The following BRD1 variants were observed in gnomAD, a reference collection of about 807,000 sequenced individuals.
The protein encoded by BRD1 is bromodomain containing 1.
Under a neutral mutation model 107.7 loss-of-function variants are expected in BRD1, and 24 were observed. The observed-to-expected ratio is 0.22, with a 90% confidence interval of 0.16 to 0.31. The LOEUF is 0.31. Ranked by LOEUF, BRD1 falls within the 10% of genes least tolerant of loss-of-function variation. The pLI, the probability that BRD1 is intolerant of heterozygous loss-of-function variation, is 1.00. For synonymous variants in BRD1, 744 were observed against 686.1 expected (o/e 1.08, Z -1.32); for missense variants, 1,279 against 1,638.6 (o/e 0.78, Z 3.79).
At position 49,798,628 on chromosome 22, in the gene BRD1, C is replaced by T. The variant is rs776202177; in HGVS notation, c.1715G>A (p.Arg572His). The T allele has an allele frequency of 6.8e-6, 11 of 1,613,878 alleles. No individual in the cohort carries two copies. Among genetic ancestry groups the T allele is most frequent in the South Asian group, 2.2e-5 (2 of 91,082 alleles). Residue 572 changes from arginine (R) to histidine (H), a missense_variant, in exon 5 of 13, where the codon CGC becomes CAC. This residue lies in a region of BRD1 where 406 missense variants were observed against 519.4 expected (regional missense o/e 0.78). Transcript: ENST00000404760. Reference protein sequence around the residue: ...LRLTPLTVLLRSVLDQLQDKD... With the variant: ...LRLTPLTVLLHSVLDQLQDKD... ...GTCTTGCAGCTGGTCCAGCACTGAGCGCAGCAGCACCGTCAGCGGGGTCAG... is the reference window on the plus strand; with the variant it reads ...GTCTTGCAGCTGGTCCAGCACTGAGTGCAGCAGCACCGTCAGCGGGGTCAG...
In BRD1 at chr22:49,779,572, C is replaced by T. The variant is rs536156221; in HGVS notation, c.2858-1759G>A. On this transcript the variant is annotated intron_variant, in intron 8 of 12. Transcript: ENST00000404760. ...ACTGTGGCCAGTTGGGGGTGTCATA[C>T]TCATTTCTGGCAAGGGAACAAATAA... 1.1e-4 allele frequency among the ~76,000 whole-genome samples: 17 copies of T among 152,254 alleles called. No individual in the cohort carries two copies. The South Asian group carries it at 2.7e-3, about 24-fold the overall frequency.
At chr22:49,826,283 G>A (rs2060148186) in intron 1 of BRD1, 1 of 984,584 alleles carries the variant, frequency 1.0e-6, no homozygotes, top group Non-Finnish European at 1.2e-6. Context: ...TTCTACAAGG[G>A]GAGAACTGAA....
intron 2 of BRD1, chr22:49,818,127 C>T (rs1408531258): frequency 1.3e-6 from 1 of 746,620 alleles, no homozygotes; most frequent in East Asian, 1.0e-4. Context: ...TAAAATGACA[C>T]CAGTGAAGGC....
intron 2 of BRD1, among the ~76,000 whole-genome samples, chr22:49,812,203 A>C (rs767510832): frequency 6.6e-6 from 1 of 150,722 alleles, no homozygotes; most frequent in Non-Finnish European, 1.5e-5. Flanking sequence ...TCCTGGGTTC[A>C]AGTGGGAGAC....
chr22:49,776,203 C>CA, intron 10 of BRD1, 44 bp from the exon 11 acceptor site: 2 of 1,529,970 alleles, frequency 1.3e-6, no homozygotes, highest in Non-Finnish European at 8.9e-7. Flanking sequence ...CAGCAGGACA[C>CA]GGGGCACGCC....
rs532052557 is a variant in BRD1 at position 49,787,667 on chromosome 22, G to A, written c.2580C>T (p.Gly860=). The A allele has an allele frequency of 5.0e-5, 78 of 1,550,622 alleles. 1 individual carries two copies. The highest frequency in any genetic ancestry group is 3.7e-4 in the Admixed American group (19 of 51,014). Residue 860 remains glycine (G), a synonymous_variant, in exon 8 of 13, where the codon GGC becomes GGT. Coordinates refer to ENST00000404760, the MANE Select transcript of BRD1 (RefSeq NM_001304808.3). ...CGGAGGCCGCCGCCGCCGGCACATC[G>A]CCACTACTGGCGCGGGTGGGCTCTG... The part of the protein sequence containing the change: ...RPPEPTRASS[G]DVPAAAASAV...
At chr22:49,826,099 G>T in intron 1 of BRD1, 1 of 911,408 alleles carries the variant, frequency 1.1e-6, no homozygotes, top group Non-Finnish European at 1.3e-6. Flanking sequence ...CACCCGGGAC[G>T]CCGACACGCG....
chr22:49,816,379 A>G (rs140695626), intron 2 of BRD1, among the ~76,000 whole-genome samples: 22 of 152,138 alleles, frequency 1.4e-4, no homozygotes, highest in African/African-American at 4.8e-4. Context: ...GCAGGTACCC[A>G]CTAGGTGACA....
At chr22:49,781,948 G>A (rs111776403) in intron 8 of BRD1, among the ~76,000 whole-genome samples, 2,886 of 151,178 alleles carry the variant, frequency 0.019, 79 homozygotes, top group African/African-American at 0.066. Flanking sequence ...GACCTGCTCC[G>A]TGACAATGCA....
chr22:49,776,178 G>C lies in BRD1; in HGVS notation c.3122-19C>G. On this transcript the variant is annotated intron_variant, in intron 10 of 12. Transcript: ENST00000404760. ...CCGACTTCTGCGGAGAGGGGCGTCA[G>C]CAGGACACAGGCGTCAGCAGGACAC... is the stretch of plus-strand genomic sequence containing the variant. The C allele has an allele frequency of 6.3e-7, 1 of 1,595,662 alleles. No individual in the cohort carries two copies. The highest frequency in any genetic ancestry group is 1.3e-5 in the African/African-American group (1 of 74,824).
rs9628129 is a variant in BRD1, at chr22:49,776,122, G to A, written c.3159C>T (p.Ala1053=). The change falls in exon 11 of 13, where the codon GCC becomes GCT. Residue 1053 remains alanine, a synonymous_variant. Coordinates refer to ENST00000404760, the MANE Select transcript of BRD1 (RefSeq NM_001304808.3). ...GQSSMWISTD[A]AASVLEPLKV... ...TCAGAGGCTCCAGCACCGAGGCGGC[G>A]GCATCAGTGGAGATCCACATGCTGC... is the stretch of plus-strand genomic sequence containing the variant. 4.4e-3 allele frequency: 7,077 copies of A among 1,605,652 alleles called. 278 individuals are homozygous for A. The African/African-American group carries it at 0.085, about 19-fold the overall frequency.
chr22:49,809,108 G>A (rs1014012313), intron 2 of BRD1, among the ~76,000 whole-genome samples: 2 of 151,920 alleles, frequency 1.3e-5, no homozygotes, highest in Non-Finnish European at 2.9e-5. Context: ...AACATAGCAA[G>A]ACTCAGTCTC....
intron 8 of BRD1, 74 bp downstream of exon 8, chr22:49,787,316 A>T: frequency 4.6e-6 from 2 of 436,866 alleles, no homozygotes; most frequent in Non-Finnish European, 7.1e-6. Context: ...CCCCCCCGTC[A>T]CACCAATGAT....
intron 2 of BRD1, among the ~76,000 whole-genome samples, chr22:49,822,416 C>A (rs1437879504): frequency 6.8e-6 from 1 of 147,136 alleles, no homozygotes; most frequent in African/African-American, 2.5e-5. Context: ...AGAGCAAAAC[C>A]CTATTTAAAA....
At chr22:49,790,851 C>T (rs146594266) in intron 7 of BRD1, among the ~76,000 whole-genome samples, 2 of 152,370 alleles carry the variant, frequency 1.3e-5, no homozygotes, top group African/African-American at 2.4e-5. Context: ...ACGTGCTCAG[C>T]GCCCGTGCAC....
chr22:49,815,925 G>A (rs1414347666), intron 2 of BRD1, among the ~76,000 whole-genome samples: 1 of 152,178 alleles, frequency 6.6e-6, no homozygotes, highest in Non-Finnish European at 1.5e-5. Flanking sequence ...GCTGCCACCT[G>A]TGGCCTCATG....
chr22:49,774,304 A>G lies in BRD1; in HGVS notation c.3499T>C (p.Phe1167Leu). The change falls in exon 13 of 13, where the codon TTT becomes CTT. Residue 1167 changes from phenylalanine (F) to leucine (L), a missense_variant. Around this residue, in one of 7 missense-constraint regions of BRD1, gnomAD observed 136 missense variants for 196.8 expected, o/e 0.69. Transcript: ENST00000404760. ...CTCAGGTGGTTCATGGCGCGGTCAAAAGCGATCCGCACGGCCTTCCGGATG... is the reference window on the plus strand; with the variant it reads ...CTCAGGTGGTTCATGGCGCGGTCAAGAGCGATCCGCACGGCCTTCCGGATG... ...SSIRKAVRIA[F>L]DRAMNHLSRV... is the part of the protein sequence containing the mutation. 1.2e-6 allele frequency: 2 copies of G among 1,614,240 alleles called. No homozygotes were observed. The highest frequency in any genetic ancestry group is 1.7e-6 in the Non-Finnish European group (2 of 1,180,048).
intron 2 of BRD1, among the ~76,000 whole-genome samples, chr22:49,818,059 G>A (rs75642747): frequency 2.0e-5 from 3 of 152,350 alleles, no homozygotes; most frequent in Non-Finnish European, 2.9e-5. Context: ...ATTTTCACCT[G>A]AGTGATGCTT....
intron 9 of BRD1, 55 bp downstream of exon 9, chr22:49,777,623 G>T: frequency 6.4e-7 from 1 of 1,574,282 alleles, no homozygotes; most frequent in Non-Finnish European, 8.6e-7. Context: ...ACAGCCAGGC[G>T]GGGCGGGCGG....
Sources: allele counts gnomAD v4.1 joint callset (sites outside exome capture counted in the v4.1 genomes callset), GRCh38; gene constraint gnomAD v4.1.1; regional missense constraint gnomAD v4.1.1; transcripts MANE v1.5; gene names NCBI Gene and HGNC (gene_info 2026-07-23, HGNC 2026-07-21).